Variants in NLGN1 observed in about 807,000 individuals in gnomAD.
NLGN1 encodes the protein neuroligin-1.
A neutral mutation model predicts 65.5 loss-of-function variants in NLGN1; 12 were observed. The observed-to-expected ratio is 0.18, with a 90% CI of 0.12 to 0.30. NLGN1 has a LOEUF of 0.30. Among genes scored for constraint, NLGN1 ranks in the 10% least tolerant of loss-of-function variants. NLGN1 has a pLI of 1.00. For missense variants in NLGN1, 750 were observed against 1,007.1 expected (o/e 0.74, Z 3.46); for synonymous variants, 350 against 359.5 (o/e 0.97, Z 0.30).
intron 3 of NLGN1, among the ~76,000 whole-genome samples, chr3:173,709,052 T>G (rs1022113471): frequency 2.6e-5 from 4 of 152,212 alleles, no homozygotes; most frequent in Non-Finnish European, 5.9e-5. Context: ...ACACAAAGCA[T>G]ACCAAATAAT....
At chr3:173,965,180 T>C (rs539987640) in intron 4 of NLGN1, among the ~76,000 whole-genome samples, 2 of 152,264 alleles carry the variant, frequency 1.3e-5, no homozygotes, top group South Asian at 4.1e-4. Context: ...ATCTAAATAA[T>C]CCTACAGAGT....
At chr3:173,864,360 C>T (rs903639479) in intron 4 of NLGN1, among the ~76,000 whole-genome samples, 3 of 152,064 alleles carry the variant, frequency 2.0e-5, no homozygotes, top group Non-Finnish European at 4.4e-5. Flanking sequence ...TGTGATCTTC[C>T]ATTGTCTTTA....
intron 3 of NLGN1, among the ~76,000 whole-genome samples, chr3:173,716,396 A>G (rs947900027): frequency 6.6e-6 from 1 of 152,168 alleles, no homozygotes; most frequent in Non-Finnish European, 1.5e-5. Context: ...TCAATTTGAA[A>G]CACCATGTAT....
intron 4 of NLGN1, among the ~76,000 whole-genome samples, chr3:174,161,614 A>G (rs912329988): frequency 6.6e-6 from 1 of 151,878 alleles, no homozygotes; most frequent in African/African-American, 2.4e-5. Context: ...GCAGGGAAGA[A>G]ATCCAACAAT....
rs553683622 is a variant in NLGN1, at chr3:173,827,400, C to T, written c.646+19568C>T. 4.1e-4 allele frequency among the ~76,000 whole-genome samples: 63 copies of T among 152,044 alleles called. No individual in the cohort carries two copies. The South Asian group carries it at 0.013, about 31-fold the overall frequency. On this transcript the variant is annotated intron_variant, in intron 4 of 6. Coordinates refer to ENST00000457714, the Ensembl canonical transcript of NLGN1. ...GGAGATCAGAGAAAACTGTTCTCTT[C>T]GGAGAGAGGATGCCTGAGCTGGATT...
rs766815506 is a variant in NLGN1, at chr3:174,249,039, G to A, written c.647-26276G>A. 3.4e-4 allele frequency among the ~76,000 whole-genome samples: 52 copies of A among 152,236 alleles called. 1 individual carries two copies. Among genetic ancestry groups the A allele is most frequent in the Admixed American group, 2.2e-3 (33 of 15,290 alleles). ...ATGAGATTTGTTAGGAACCTTAGAGGGGATGTAGCAATTCCATTAGTGCCC... is the reference window on the plus strand; with the variant it reads ...ATGAGATTTGTTAGGAACCTTAGAGAGGATGTAGCAATTCCATTAGTGCCC... On this transcript the variant is annotated intron_variant, in intron 4 of 6. Coordinates refer to ENST00000457714, the Ensembl canonical transcript of NLGN1.
At chr3:173,723,778 G>A (rs1360502542) in intron 3 of NLGN1, among the ~76,000 whole-genome samples, 1 of 152,198 alleles carries the variant, frequency 6.6e-6, no homozygotes, top group African/African-American at 2.4e-5. Flanking sequence ...TTACTGCCAT[G>A]AAAAGAATAG....
At chr3:173,636,667 T>G (rs1486839667) in intron 3 of NLGN1, among the ~76,000 whole-genome samples, 1 of 152,160 alleles carries the variant, frequency 6.6e-6, no homozygotes, top group Non-Finnish European at 1.5e-5. Context: ...TTAAACTTTT[T>G]GTCCACTCTT....
intron 4 of NLGN1, among the ~76,000 whole-genome samples, chr3:173,967,786 G>C (rs1367886820): frequency 1.3e-5 from 2 of 152,122 alleles, no homozygotes; most frequent in African/African-American, 2.4e-5. Flanking sequence ...AATAAGAAGA[G>C]ATCCAATGAA....
chr3:173,467,961 T>C (rs1011935246), intron 2 of NLGN1, among the ~76,000 whole-genome samples: 2 of 152,144 alleles, frequency 1.3e-5, no homozygotes, highest in African/African-American at 4.8e-5. Context: ...TATACAAAGA[T>C]GCACCTGTGA....
chr3:173,610,681 A>G (rs1752142937), intron 3 of NLGN1, among the ~76,000 whole-genome samples: 1 of 151,926 alleles, frequency 6.6e-6, no homozygotes, highest in Non-Finnish European at 1.5e-5. Flanking sequence ...GTTGGCCTGG[A>G]AGTTAAGTAA....
At chr3:174,084,789 T>C (rs1350228746) in intron 4 of NLGN1, among the ~76,000 whole-genome samples, 1 of 152,058 alleles carries the variant, frequency 6.6e-6, no homozygotes, top group African/African-American at 2.4e-5. Flanking sequence ...TCAATCATGA[T>C]TCATGTTTTT....
intron 4 of NLGN1, among the ~76,000 whole-genome samples, chr3:174,238,001 T>TA (rs1386112356): frequency 6.6e-6 from 1 of 152,220 alleles, no homozygotes; most frequent in African/African-American, 2.4e-5. Context: ...TTTTTACCTG[T>TA]ATAGTTGACA....
At chr3:174,286,725 T>G (rs1752160353), downstream of NLGN1, 1 of 151,634 alleles carries the variant, frequency 6.6e-6, no homozygotes, top group Admixed American at 6.6e-5. Flanking sequence ...ATAAGTGTTT[T>G]CTTACAAAGT....
intron 3 of NLGN1, among the ~76,000 whole-genome samples, chr3:173,754,475 T>C: frequency 6.6e-6 from 1 of 152,160 alleles, no homozygotes; most frequent in Non-Finnish European, 1.5e-5. Flanking sequence ...TAGTATTTAT[T>C]ACCATCTAAA....
intron 3 of NLGN1, among the ~76,000 whole-genome samples, chr3:173,762,327 T>G (rs1268656599): frequency 1.3e-5 from 2 of 152,098 alleles, no homozygotes; most frequent in East Asian, 3.9e-4. Flanking sequence ...AAAAGCAGTT[T>G]ACTATAACAC....
At chr3:173,548,032 T>C (rs1405312185) in intron 2 of NLGN1, among the ~76,000 whole-genome samples, 1 of 152,108 alleles carries the variant, frequency 6.6e-6, no homozygotes, top group Non-Finnish European at 1.5e-5. Flanking sequence ...TAATAACTTA[T>C]TCGTTAATTT....
intron 4 of NLGN1, among the ~76,000 whole-genome samples, chr3:174,214,923 T>A (rs1215029601): frequency 6.6e-6 from 1 of 152,078 alleles, no homozygotes; most frequent in Non-Finnish European, 1.5e-5. Flanking sequence ...GCAATGTAAT[T>A]TTTTTTGGTT....
At chr3:174,090,818 C>T (rs763439332) in intron 4 of NLGN1, among the ~76,000 whole-genome samples, 5 of 151,584 alleles carry the variant, frequency 3.3e-5, no homozygotes, top group Admixed American at 6.6e-5. Context: ...AAGTGTGGTT[C>T]TCAGACCAGC....
Sources: gnomAD v4.1 joint callset for allele counts (sites outside exome capture counted in the v4.1 genomes callset) on GRCh38, gnomAD v4.1.1 for gene constraint, MANE v1.5 for transcripts, NCBI Gene and HGNC (gene_info 2026-07-23, HGNC 2026-07-21) for gene names.